The following NPAS3 variants were observed in gnomAD, a reference collection of about 807,000 sequenced individuals.
NPAS3 encodes the protein neuronal PAS domain-containing protein 3.
In NPAS3, 14 loss-of-function variants were observed where a neutral mutation model predicts 73.1. The ratio of observed to expected loss-of-function variants is 0.19; its 90% CI spans 0.13 to 0.30. The LOEUF is 0.30. Among genes scored for constraint, NPAS3 ranks in the 10% least tolerant of loss-of-function variants. NPAS3 has a pLI of 1.00. For synonymous variants in NPAS3, 620 were observed against 541.5 expected, an observed-to-expected ratio of 1.14 and a Z score of -2.01; for missense variants, 1,096 against 1,250.0, an observed-to-expected ratio of 0.88 and a Z score of 1.86.
At chr14:33,274,950 A>G (rs1035726169) in intron 3 of NPAS3, among the ~76,000 whole-genome samples, 12 of 152,224 alleles carry the variant, frequency 7.9e-5, no homozygotes, top group African/African-American at 2.2e-4. Flanking sequence ...AATTTAAGTC[A>G]TAGATGCACG....
intron 1 of NPAS3, among the ~76,000 whole-genome samples, chr14:33,031,377 T>A (rs2039982118): frequency 6.6e-6 from 1 of 152,224 alleles, no homozygotes; most frequent in African/African-American, 2.4e-5. Context: ...TGGATGCCAA[T>A]GTCATATGCC....
intron 4 of NPAS3, among the ~76,000 whole-genome samples, chr14:33,425,589 G>A (rs1211857785): frequency 1.4e-5 from 2 of 144,126 alleles, no homozygotes; most frequent in Non-Finnish European, 3.0e-5. Context: ...TGCTTGACAT[G>A]TAATAGACAC....
chr14:33,643,060 A>T (rs374935862), intron 5 of NPAS3, among the ~76,000 whole-genome samples: 1 of 152,122 alleles, frequency 6.6e-6, no homozygotes, highest in Admixed American at 6.6e-5. Flanking sequence ...ATATAGATCA[A>T]TCAGCCTTGT....
At chr14:33,387,032 C>A (rs1220202019) in intron 4 of NPAS3, among the ~76,000 whole-genome samples, 1 of 152,078 alleles carries the variant, frequency 6.6e-6, no homozygotes. Context: ...GCCCCTTGAT[C>A]CTAATGTTGA....
At chr14:32,993,145 G>A (rs774649760) in intron 1 of NPAS3, among the ~76,000 whole-genome samples, 33 of 142,122 alleles carry the variant, frequency 2.3e-4, no homozygotes, top group Non-Finnish European at 4.3e-4. Flanking sequence ...GTGAAACTTC[G>A]TCTCAAAAAA....
chr14:33,605,512 G>C (rs1267118940), intron 5 of NPAS3, among the ~76,000 whole-genome samples: 1 of 149,488 alleles, frequency 6.7e-6, no homozygotes, highest in Non-Finnish European at 1.5e-5. Context: ...AAGACTACTA[G>C]AACTAATAAA....
chr14:33,289,867 CTG>C (rs2042029398), intron 3 of NPAS3, among the ~76,000 whole-genome samples: 1 of 151,810 alleles, frequency 6.6e-6, no homozygotes, highest in Non-Finnish European at 1.5e-5. Context: ...CAGAAATTGG[CTG>C]TGTTTCTTTT....
At chr14:33,735,443 G>A in intron 7 of NPAS3, 111 bp downstream of exon 7, 1 of 737,526 alleles carries the variant, frequency 1.4e-6, no homozygotes. Flanking sequence ...GTGATCTTGA[G>A]GAGCCCATAG....
At chr14:32,975,497 T>C (rs1490264498) in intron 1 of NPAS3, among the ~76,000 whole-genome samples, 1 of 152,190 alleles carries the variant, frequency 6.6e-6, no homozygotes, top group Non-Finnish European at 1.5e-5. Context: ...CTCCTTTCAG[T>C]TTCTAGAAGG....
intron 1 of NPAS3, among the ~76,000 whole-genome samples, chr14:32,946,333 AACACACACACACGCGCACACACAC>A (rs2036249301): frequency 9.5e-6 from 1 of 105,302 alleles, no homozygotes; most frequent in Admixed American, 1.1e-4. Flanking sequence ...CCATCCCCCC[AACACACACACACGCGCACACACAC>A]ACACACACAC....
chr14:33,193,198 G>GTT (rs33973640), intron 2 of NPAS3, among the ~76,000 whole-genome samples: 6 of 142,014 alleles, frequency 4.2e-5, no homozygotes, highest in African/African-American at 7.7e-5. Flanking sequence ...AAGTGTCTTA[G>GTT]TTTTTTTTTT....
chr14:33,728,005 C>T (rs551775513), intron 6 of NPAS3, among the ~76,000 whole-genome samples: 1 of 152,198 alleles, frequency 6.6e-6, no homozygotes, highest in Non-Finnish European at 1.5e-5. Context: ...CCCCCTTGAA[C>T]TTTCCCGTTG....
chr14:32,962,393 A>G (rs2036962896), intron 1 of NPAS3, among the ~76,000 whole-genome samples: 1 of 151,922 alleles, frequency 6.6e-6, no homozygotes, highest in Admixed American at 6.6e-5. Context: ...CCATTAATAA[A>G]TGATTAAAAT....
At chr14:33,438,573 A>G (rs80075706) in intron 4 of NPAS3, among the ~76,000 whole-genome samples, 27 of 152,330 alleles carry the variant, frequency 1.8e-4, no homozygotes, top group African/African-American at 6.5e-4. Context: ...ACTGCATGAT[A>G]ATTGGGCCTT....
chr14:33,794,760 T>A (rs916710771), intron 10 of NPAS3, among the ~76,000 whole-genome samples: 1 of 152,146 alleles, frequency 6.6e-6, no homozygotes, highest in Non-Finnish European at 1.5e-5. Context: ...CCCTTCCCAG[T>A]CTACATTCTG....
chr14:33,480,115 A>G (rs1177625742), intron 4 of NPAS3, among the ~76,000 whole-genome samples: 3 of 152,164 alleles, frequency 2.0e-5, no homozygotes, highest in Non-Finnish European at 2.9e-5. Flanking sequence ...ACTAGAAGGG[A>G]GAGGATCATG....
chr14:33,792,314 T>C (rs2063380756), intron 9 of NPAS3, among the ~76,000 whole-genome samples: 2 of 152,008 alleles, frequency 1.3e-5, no homozygotes, highest in African/African-American at 4.8e-5. Flanking sequence ...CTTGTTATGA[T>C]TTGAAACACT....
intron 5 of NPAS3, among the ~76,000 whole-genome samples, chr14:33,672,986 A>G (rs1365503577): frequency 1.3e-5 from 2 of 152,242 alleles, no homozygotes; most frequent in Non-Finnish European, 1.5e-5. Flanking sequence ...AATGATGACA[A>G]TGACTCAGGT....
At chr14:33,472,297 T>C (rs1238032264) in intron 4 of NPAS3, among the ~76,000 whole-genome samples, 1 of 151,910 alleles carries the variant, frequency 6.6e-6, no homozygotes, top group African/African-American at 2.4e-5. Flanking sequence ...AGAGATTAGG[T>C]TGGAGAGGTA....
Sources: allele counts gnomAD v4.1 joint callset (sites outside exome capture counted in the v4.1 genomes callset), GRCh38; gene constraint gnomAD v4.1.1; transcripts MANE v1.5; gene names NCBI Gene and HGNC (gene_info 2026-07-23, HGNC 2026-07-21).